The following SKIC3 variants were observed in gnomAD, a reference collection of about 807,000 sequenced individuals.
The protein encoded by SKIC3 is SKI3 subunit of superkiller complex, also known as superkiller complex protein 3.
At chr5:95,482,781 C>T in the SKIC3 span, 9 of 803,164 alleles carry the variant, frequency 1.1e-5, no homozygotes, top group Admixed American at 2.7e-5. Context: ...ATTAAATAAA[C>T]AAAACAATGA....
chr5:95,509,765 A>G, the SKIC3 span: 2 of 913,830 alleles, frequency 2.2e-6, no homozygotes, highest in Non-Finnish European at 3.5e-6. Context: ...TTTTTTCAGT[A>G]TCTTAAATAT....
the SKIC3 span, chr5:95,523,516 C>T: frequency 8.1e-7 from 1 of 1,228,698 alleles, no homozygotes; most frequent in South Asian, 1.5e-5. Flanking sequence ...AAAAACTTCA[C>T]TTACAGAGGC....
chr5:95,487,464 T>C, the SKIC3 span, among the ~76,000 whole-genome samples: 2 of 152,160 alleles, frequency 1.3e-5, no homozygotes, highest in Non-Finnish European at 2.9e-5. Flanking sequence ...CAGGCAAGCT[T>C]AGCCAACTGC....
the SKIC3 span, chr5:95,482,687 T>C: frequency 6.3e-7 from 1 of 1,591,152 alleles, no homozygotes; most frequent in Non-Finnish European, 8.6e-7. Flanking sequence ...GTGTTAAAAG[T>C]AAAAAGCATT....
the SKIC3 span, among the ~76,000 whole-genome samples, chr5:95,492,178 T>A: frequency 6.6e-6 from 1 of 152,192 alleles, no homozygotes; most frequent in Non-Finnish European, 1.5e-5. Flanking sequence ...ACAGACATCA[T>A]CAAATTCCAG....
At chr5:95,532,269 C>T in the SKIC3 span, among the ~76,000 whole-genome samples, 2 of 152,110 alleles carry the variant, frequency 1.3e-5, no homozygotes, top group East Asian at 3.8e-4. Context: ...TTCCAAAAGG[C>T]TGAGATGAAC....
the SKIC3 span, chr5:95,521,911 T>C: frequency 1.1e-6 from 1 of 929,902 alleles, no homozygotes. Flanking sequence ...ATATAAGCTA[T>C]ACTGTAAGAG....
chr5:95,552,727 T>C, the SKIC3 span, among the ~76,000 whole-genome samples: 1 of 152,044 alleles, frequency 6.6e-6, no homozygotes, highest in African/African-American at 2.4e-5. Flanking sequence ...AATGGTTACA[T>C]TCTCTTGAGT....
chr5:95,494,733 C>T, the SKIC3 span: 63 of 1,613,538 alleles, frequency 3.9e-5, no homozygotes, highest in Non-Finnish European at 5.2e-5. Context: ...GTATTTTTTT[C>T]ATCTTCTGCT....
At chr5:95,543,135 C>CAA in the SKIC3 span, 1 of 1,580,122 alleles carries the variant, frequency 6.3e-7, no homozygotes, top group Non-Finnish European at 8.6e-7. Flanking sequence ...TTGAAAAATG[C>CAA]AAAAAAAAAT....
chr5:95,526,275 A>G, the SKIC3 span, among the ~76,000 whole-genome samples: 1 of 151,792 alleles, frequency 6.6e-6, no homozygotes, highest in African/African-American at 2.4e-5. Context: ...CTTACAATTT[A>G]ACTGTTGAAA....
chr5:95,529,031 G>A, the SKIC3 span: 478 of 1,613,686 alleles, frequency 3.0e-4, 2 homozygotes, highest in East Asian at 9.4e-4. Context: ...GCTTCTTTAG[G>A]TCTATGCATT....
the SKIC3 span, chr5:95,495,282 C>A: frequency 4.8e-6 from 2 of 414,420 alleles, no homozygotes; most frequent in South Asian, 3.0e-5. Flanking sequence ...ATTTTACCAA[C>A]GAAATGTACA....
At chr5:95,507,423 A>C in the SKIC3 span, among the ~76,000 whole-genome samples, 1 of 152,202 alleles carries the variant, frequency 6.6e-6, no homozygotes, top group African/African-American at 2.4e-5. Context: ...GCTTGTACAT[A>C]CAGAAAAATA....
chr5:95,517,308 C>T, the SKIC3 span: 12 of 1,612,672 alleles, frequency 7.4e-6, no homozygotes, highest in African/African-American at 1.5e-4. Context: ...CACATCAGCT[C>T]GATGCTGTAG....
chr5:95,467,822 T>G, the SKIC3 span: 5 of 1,610,922 alleles, frequency 3.1e-6, no homozygotes, highest in African/African-American at 6.7e-5. Context: ...ACATTTTAAA[T>G]AAAATCAATG....
chr5:95,495,217 T>C, the SKIC3 span: 1 of 566,436 alleles, frequency 1.8e-6, no homozygotes, highest in Non-Finnish European at 3.1e-6. Flanking sequence ...AAATCTTTTC[T>C]ACTGTGACCA....
At chr5:95,502,980 C>A in the SKIC3 span, 1 of 1,614,040 alleles carries the variant, frequency 6.2e-7, no homozygotes. Flanking sequence ...TCCGATTCAA[C>A]AATAGACAAG....
the SKIC3 span, among the ~76,000 whole-genome samples, chr5:95,516,139 GA>G: frequency 2.0e-5 from 3 of 151,988 alleles, no homozygotes; most frequent in Non-Finnish European, 4.4e-5. Context: ...CACAAAACCA[GA>G]AGTTTCTTGA....
Sources: allele counts gnomAD v4.1 joint callset (sites outside exome capture counted in the v4.1 genomes callset), GRCh38; gene constraint gnomAD v4.1.1; transcripts MANE v1.5; gene names NCBI Gene and HGNC (gene_info 2026-07-23, HGNC 2026-07-21).